HYDIN: variants seen among roughly 807,000 people sequenced by gnomAD.
The protein encoded by HYDIN is axonemal central pair apparatus protein HYDIN.
In HYDIN, 132 loss-of-function variants were observed where a neutral mutation model predicts 403.9. The observed-to-expected ratio is 0.33, with a 90% CI of 0.28 to 0.38. The LOEUF (loss-of-function observed/expected upper bound fraction) is 0.38, where lower values mean the gene tolerates loss of function less well. Ranked by LOEUF, HYDIN falls within the 10% of genes least tolerant of loss-of-function variation. The pLI, the probability that HYDIN is intolerant of heterozygous loss-of-function variation, is 1.00. For synonymous variants in HYDIN, 1,202 were observed against 1,891.7 expected (o/e 0.64, Z 9.46); for missense variants, 2,827 against 5,009.5 (o/e 0.56, Z 13.15).
chr16:70,950,858 G>A (rs952825870), intron 41 of HYDIN, among the ~76,000 whole-genome samples: 5 of 152,038 alleles, frequency 3.3e-5, no homozygotes, highest in Non-Finnish European at 5.9e-5. Flanking sequence ...CTTGCCCCTC[G>A]TTATAAGAGC....
chr16:71,096,132 C>A (rs898326602), intron 10 of HYDIN, among the ~76,000 whole-genome samples: 1 of 152,154 alleles, frequency 6.6e-6, no homozygotes, highest in Non-Finnish European at 1.5e-5. Context: ...TATTATCGAA[C>A]ATGTATCCGT....
intron 18 of HYDIN, among the ~76,000 whole-genome samples, chr16:71,059,382 T>C (rs1434605241): frequency 6.6e-6 from 1 of 152,184 alleles, no homozygotes; most frequent in Non-Finnish European, 1.5e-5. Context: ...GCAAATGCCA[T>C]TTATTGACTA....
intron 52 of HYDIN, among the ~76,000 whole-genome samples, chr16:70,902,953 C>T (rs2076436331): frequency 6.8e-6 from 1 of 146,320 alleles, no homozygotes; most frequent in East Asian, 2.0e-4. Flanking sequence ...ATATTTTTCT[C>T]TCTATGCTTT....
chr16:71,182,803 A>G (rs909737512), intron 3 of HYDIN, among the ~76,000 whole-genome samples: 1 of 152,178 alleles, frequency 6.6e-6, no homozygotes, highest in African/African-American at 2.4e-5. Flanking sequence ...TTGTGAGTTC[A>G]CAAGAGAAAG....
chr16:71,094,411 G>A (rs1328072167), intron 10 of HYDIN, among the ~76,000 whole-genome samples: 1 of 152,100 alleles, frequency 6.6e-6, no homozygotes, highest in Non-Finnish European at 1.5e-5. Flanking sequence ...AGGTGAAAAA[G>A]GGCAAAGTAC....
Position 70,879,315 on chromosome 16 carries a change from A to C in HYDIN, c.10539T>G (p.Asn3513Lys), listed in dbSNP as rs1567752961. 4 of 1,339,142 alleles carry C rather than the reference A, an allele frequency of 3.0e-6. No homozygotes were observed. Among genetic ancestry groups the C allele is most frequent in the South Asian group, 2.7e-5 (2 of 74,998 alleles). The allele number at this position is 1,339,142 out of a possible 1,614,324, so 83.0% of individuals were successfully genotyped here. Residue 3513 changes from asparagine to lysine, a missense_variant, in exon 62 of 86, where the codon AAT becomes AAG. Transcript: ENST00000393567. ...GTATTACCTGGGCAGGGAGGACACC[A>C]TTGTTCTTGAGGATGAGAGGCAGCT... ...SEKLPLILKN[N>K]GVLPAQLHVD...
intron 23 of HYDIN, among the ~76,000 whole-genome samples, chr16:71,005,551 G>A (rs1418659473): frequency 2.0e-5 from 3 of 152,042 alleles, no homozygotes; most frequent in Non-Finnish European, 2.9e-5. Flanking sequence ...TCTTGTTTAA[G>A]TCACACACTC....
Position 70,860,204 on chromosome 16 carries a change from G to T in HYDIN, c.11993C>A (p.Thr3998Asn). The T allele has an allele frequency of 6.2e-7, 1 of 1,613,230 alleles. No individual in the cohort carries two copies. The highest frequency in any genetic ancestry group is 8.5e-7 in the Non-Finnish European group (1 of 1,179,722). The change falls in exon 71 of 86, where the codon ACC becomes AAC. Residue 3998 changes from threonine to asparagine, a missense_variant and splice_region_variant. Transcript: ENST00000393567. ...ATTGGTTGGGTTTAGGATGGTAAAG[G>T]TCCTGGCCAGGGTGGAGAGAATTGA... ...TVGIGGKNLR[T>N]FTILNPTNST...
chr16:70,991,382 T>A lies in HYDIN; in HGVS notation c.3800A>T (p.Asp1267Val). ...LNDFVKTVLV[D>V]EDARPEEKEL... ...TTTTTCTTCAGGCCTGGCATCTTCA[T>A]CCACAAGGACAGTCCTAGGAAGTTT... The change falls in exon 25 of 86, where the codon GAT (aspartate) becomes GTT (valine). Residue 1267 changes from aspartate (D) to valine (V), a missense_variant. Coordinates refer to ENST00000393567, the MANE Select transcript of HYDIN (RefSeq NM_001270974.2). The A allele has an allele frequency of 6.2e-7, 1 of 1,613,964 alleles. No homozygotes were observed. Among genetic ancestry groups the A allele is most frequent in the Non-Finnish European group, 8.5e-7 (1 of 1,179,928 alleles).
chr16:70,842,634 G>C (rs539567639), intron 75 of HYDIN, among the ~76,000 whole-genome samples: 2,322 of 151,726 alleles, frequency 0.015, 76 homozygotes, highest in African/African-American at 0.054. Flanking sequence ...TGAGTCTCTT[G>C]TAGACAGCAC....
rs1481607820 is a variant in HYDIN at position 70,850,536 on chromosome 16, G to C, written c.12563C>G (p.Thr4188Ser). The C allele has an allele frequency of 3.7e-6, 6 of 1,610,244 alleles. No homozygotes were observed. The highest frequency in any genetic ancestry group is 5.1e-6 in the Non-Finnish European group (6 of 1,178,368). Residue 4188 changes from threonine to serine, a missense_variant, in exon 74 of 86, where the codon ACT becomes AGT. Transcript: ENST00000393567. ...CTTGCACTTGATCTCCACATTCATA[G>C]TGTAGCCCTCGGCCTTGACATTTAA... is the stretch of plus-strand genomic sequence containing the variant. ...VTLNVKAEGY[T>S]MNVEIKCKDR...
intron 45 of HYDIN, among the ~76,000 whole-genome samples, chr16:70,932,030 A>AAAC (rs1555575709): frequency 4.1e-5 from 6 of 147,314 alleles, no homozygotes; most frequent in African/African-American, 1.5e-4. Context: ...AAAAAAAAAA[A>AAAC]AAAAAGGTAA....
At chr16:71,008,983 C>CT (rs1269989523) in intron 23 of HYDIN, among the ~76,000 whole-genome samples, 2 of 108,802 alleles carry the variant, frequency 1.8e-5, no homozygotes, top group African/African-American at 8.0e-5. Context: ...AGCATCCATT[C>CT]TCCCTTTCTT....
At chr16:70,977,463 A>G (rs1305622090) in intron 30 of HYDIN, among the ~76,000 whole-genome samples, 1 of 147,912 alleles carries the variant, frequency 6.8e-6, no homozygotes, top group African/African-American at 2.5e-5. Flanking sequence ...CACTTTTAGC[A>G]TCTTGTACTT....
At chr16:70,815,408 A>G (rs1221378781) in intron 84 of HYDIN, among the ~76,000 whole-genome samples, 1 of 148,718 alleles carries the variant, frequency 6.7e-6, no homozygotes, top group African/African-American at 2.6e-5. Context: ...TCCTGTCTCA[A>G]TCCCCTCTCC....
Position 71,061,872 on chromosome 16 carries a change from G to GTA in HYDIN, c.2376+296_2376+297insTA, listed in dbSNP as rs2082095071. Among the ~76,000 whole-genome samples, 2 of 55,108 alleles carry GTA rather than the reference G, an allele frequency of 3.6e-5. 1 individual carries two copies. The highest frequency in any genetic ancestry group is 1.0e-4 in the African/African-American group (2 of 19,558). 36.2% of individuals were successfully genotyped at this position (55,108 alleles called of 152,430 possible). A position where few individuals can be genotyped will look rare whatever the true frequency, so the allele number is the denominator to read the frequency against. ...CAGGCATGTGTGACAGTGTGTGTGT[G>GTA]TGTGTGTGTGTGTGTGTGTGTGTCA... On this transcript the variant is annotated intron_variant, in intron 17 of 85. Coordinates refer to ENST00000393567, the MANE Select transcript of HYDIN (RefSeq NM_001270974.2).
At chr16:71,153,122 C>G (rs2085606599) in intron 6 of HYDIN, among the ~76,000 whole-genome samples, 1 of 148,440 alleles carries the variant, frequency 6.7e-6, no homozygotes, top group Non-Finnish European at 1.5e-5. Context: ...TAAAATCCAG[C>G]CTTTGTCCTC....
chr16:71,178,138 G>A (rs775612195), intron 4 of HYDIN, among the ~76,000 whole-genome samples: 9 of 152,144 alleles, frequency 5.9e-5, no homozygotes, highest in Non-Finnish European at 1.0e-4. Context: ...ATAAATGCTC[G>A]GCCAGGCACG....
intron 23 of HYDIN, among the ~76,000 whole-genome samples, chr16:70,996,250 G>A (rs925516): frequency 0.078 from 10,999 of 141,772 alleles, no homozygotes; most frequent in African/African-American, 0.1. Context: ...CCCTCAATAA[G>A]TCACCTCAAG....
Sources: allele counts gnomAD v4.1 joint callset (sites outside exome capture counted in the v4.1 genomes callset), GRCh38; gene constraint gnomAD v4.1.1; transcripts MANE v1.5; gene names NCBI Gene and HGNC (gene_info 2026-07-23, HGNC 2026-07-21).